Variants in CIT observed in about 807,000 individuals in gnomAD.
CIT encodes the protein citron rho-interacting serine/threonine kinase.
In CIT, 79 loss-of-function variants were observed where a neutral mutation model predicts 272.7. The observed-to-expected ratio is 0.29, with a 90% CI of 0.24 to 0.35. CIT has a LOEUF of 0.35. Ranked by LOEUF, CIT falls within the 10% of genes least tolerant of loss-of-function variation. CIT has a pLI of 1.00. For synonymous variants in CIT, 948 were observed against 995.6 expected, an observed-to-expected ratio of 0.95 and a Z score of 0.90; for missense variants, 1,909 against 2,618.3, an observed-to-expected ratio of 0.73 and a Z score of 5.91.
chr12:119,730,847 GC>G (rs1321770957), intron 26 of CIT, among the ~76,000 whole-genome samples: 2 of 152,236 alleles, frequency 1.3e-5, no homozygotes, highest in Non-Finnish European at 2.9e-5. Context: ...AACAAAACAG[GC>G]CAGGCACGGT....
intron 3 of CIT, among the ~76,000 whole-genome samples, chr12:119,859,459 C>G (rs554242763): frequency 4.9e-4 from 75 of 152,288 alleles, no homozygotes; most frequent in Middle Eastern, 6.8e-3. Flanking sequence ...ATACCACAGT[C>G]AGTGAGTGGC....
chr12:119,779,183 G>A (rs804713), intron 13 of CIT, among the ~76,000 whole-genome samples: 119 of 152,096 alleles, frequency 7.8e-4, no homozygotes, highest in Middle Eastern at 3.4e-3. Flanking sequence ...TTACACCACT[G>A]CCCTCCAGCC....
At position 119,784,452 on chromosome 12, in the gene CIT, G is replaced by A. The variant is rs12307389; in HGVS notation, c.1402-401C>T. The A allele has an allele frequency of 1.1e-3, 1,295 of 1,202,778 alleles. 15 individuals carry two copies. The African/African-American group carries it at 0.017, about 16-fold the overall frequency. The allele number at this position is 1,202,778 out of a possible 1,614,324, so 74.5% of individuals were successfully genotyped here. ...AGAGGACAAATCCAGGACAGGGCAA[G>A]GAGATATTTATTCGTCTGCACTCTT... On this transcript the variant is annotated intron_variant, in intron 11 of 47. Transcript: ENST00000392521. This position sits in a 1 kb window ranked among gnomAD's most constrained non-coding sequence, Gnocchi z 4.7.
chr12:119,736,678 T>C (rs1359616386), intron 24 of CIT, among the ~76,000 whole-genome samples: 1 of 152,248 alleles, frequency 6.6e-6, no homozygotes, highest in African/African-American at 2.4e-5. Flanking sequence ...GGAAAATCTG[T>C]ACGTTTGCCA....
At chr12:119,803,057 A>G in intron 10 of CIT, 149 bp downstream of exon 10, 2 of 562,354 alleles carry the variant, frequency 3.6e-6, no homozygotes, top group Non-Finnish European at 6.0e-6. Flanking sequence ...CAAAGCCCTA[A>G]CAGGTAGACT....
intron 9 of CIT, among the ~76,000 whole-genome samples, chr12:119,817,049 A>C (rs1967251164): frequency 6.6e-6 from 1 of 152,154 alleles, no homozygotes; most frequent in Admixed American, 6.6e-5. Flanking sequence ...GAGTCTTCTC[A>C]ACTCATCTTG....
intron 25 of CIT, 126 bp from the exon 26 acceptor site, chr12:119,734,483 T>C (rs1958646471): frequency 9.7e-7 from 1 of 1,030,252 alleles, no homozygotes; most frequent in Non-Finnish European, 1.4e-6. Flanking sequence ...GTTTGTCTTT[T>C]GCTTCTGCAG....
chr12:119,829,482 G>C (rs141968680), intron 7 of CIT, among the ~76,000 whole-genome samples: 49 of 152,298 alleles, frequency 3.2e-4, no homozygotes, highest in Admixed American at 4.6e-4. Context: ...TGCAGAAGCA[G>C]GGGGAAAAGG....
At chr12:119,699,129 G>A (rs1032394491) in intron 44 of CIT, among the ~76,000 whole-genome samples, 5 of 151,796 alleles carry the variant, frequency 3.3e-5, no homozygotes, top group Non-Finnish European at 2.9e-5. Context: ...GGTGACAGGC[G>A]CCTGTAATCC....
intron 19 of CIT, among the ~76,000 whole-genome samples, chr12:119,766,826 G>A (rs1330104296): frequency 2.0e-5 from 3 of 148,462 alleles, no homozygotes; most frequent in Admixed American, 1.3e-4. Flanking sequence ...ATGACAATGA[G>A]TTTAAAAAAT....
intron 2 of CIT, among the ~76,000 whole-genome samples, chr12:119,870,599 G>T (rs1245214983): frequency 2.0e-5 from 3 of 149,046 alleles, no homozygotes; most frequent in African/African-American, 7.4e-5. Flanking sequence ...TCCACTTTTG[G>T]GAAGCCAGCC....
intron 46 of CIT, among the ~76,000 whole-genome samples, chr12:119,695,539 T>C (rs1956179941): frequency 6.6e-6 from 1 of 152,170 alleles, no homozygotes; most frequent in Non-Finnish European, 1.5e-5. Flanking sequence ...TTCAAGCCTA[T>C]AAACCTAGCA....
chr12:119,854,965 A>T (rs1200879078), intron 4 of CIT, among the ~76,000 whole-genome samples: 1 of 151,996 alleles, frequency 6.6e-6, no homozygotes, highest in African/African-American at 2.4e-5. Flanking sequence ...TAAATAAATA[A>T]ATAATAAAGT....
rs1346454372 is a variant in CIT, at chr12:119,720,644, G to C, written c.3733-59C>G. 2.4e-6 allele frequency: 3 copies of C among 1,270,200 alleles called. No homozygotes were observed. In the East Asian group the frequency reaches 7.1e-5, roughly 30 times the overall value. 78.7% of individuals were successfully genotyped at this position (1,270,200 alleles called of 1,614,324 possible). On this transcript the variant is annotated intron_variant, in intron 29 of 47. Transcript: ENST00000392521. ...CAGACAGAAGTATACTTTTAAAGTT[G>C]GTACTTTAAGAAACTAAAAAGTGAA...
intron 5 of CIT, among the ~76,000 whole-genome samples, chr12:119,843,247 T>C (rs1969532159): frequency 6.6e-6 from 1 of 152,090 alleles, no homozygotes; most frequent in African/African-American, 2.4e-5. Context: ...GCCTGGTAAG[T>C]CACGTGGAAG....
Position 119,690,950 on chromosome 12 carries a change from G to A in CIT, c.5883-496C>T, listed in dbSNP as rs1955908639. Among the ~76,000 whole-genome samples the A allele has an allele frequency of 6.6e-6, 1 of 152,200 alleles. No homozygotes were observed. Among genetic ancestry groups the A allele is most frequent in the South Asian group, 2.1e-4 (1 of 4,832 alleles). ...GCACTTTGGGAGGCCGAGGCAGGTA[G>A]ATCACGAGGTCAGGAGATCGAGGCC... On this transcript the variant is annotated intron_variant, in intron 46 of 47. Coordinates refer to ENST00000392521, the MANE Select transcript of CIT (RefSeq NM_001206999.2). The surrounding 1 kb of genome is among the most constrained non-coding windows in gnomAD (Gnocchi z 6.0).
intron 4 of CIT, among the ~76,000 whole-genome samples, chr12:119,851,887 G>A (rs1970243785): frequency 6.6e-6 from 1 of 152,074 alleles, no homozygotes; most frequent in Non-Finnish European, 1.5e-5. Flanking sequence ...ACAAAAAGTA[G>A]CTGGGTGTGG....
rs1449579313 is a variant in CIT, at chr12:119,869,191, G to A, written c.107C>T (p.Pro36Leu). The change falls in exon 3 of 48, where the codon CCC becomes CTC. Residue 36 changes from proline (P) to leucine (L), a missense_variant. Physicochemically the swap from Pro to Leu is moderately conservative, Grantham distance 98. This residue lies in a region of CIT where 529 missense variants were observed against 549.6 expected (regional missense o/e 0.96). Coordinates refer to ENST00000392521, the MANE Select transcript of CIT (RefSeq NM_001206999.2). ...AGACATCTGCTGTTGAGTCATAAAG[G>A]GTGGTTTCCCCTAAAAACAGCAAAC... is the stretch of plus-strand genomic sequence containing the variant. ...RLNLFFQGKP[P>L]FMTQQQMSPL... 5.0e-6 allele frequency: 8 copies of A among 1,597,050 alleles called. 1 individual carries two copies. In the South Asian group the frequency reaches 9.1e-5, roughly 18 times the overall value.
In CIT at chr12:119,704,541, C is replaced by T. The variant is rs1408130303; in HGVS notation, c.5212-86G>A. 6.0e-5 allele frequency: 70 copies of T among 1,162,684 alleles called. 1 individual carries two copies. Among genetic ancestry groups the T allele is most frequent in the South Asian group, 4.8e-4 (37 of 77,504 alleles). 72.0% of individuals were successfully genotyped at this position (1,162,684 alleles called of 1,614,324 possible). A position where few individuals can be genotyped will look rare whatever the true frequency, so the allele number is the denominator to read the frequency against. On this transcript the variant is annotated intron_variant, in intron 40 of 47. Transcript: ENST00000392521. ...AACTAGGAAAAGCTCTCAGGCTCAG[C>T]GCCATTGATGATTCAGACCAGATCA... is the stretch of plus-strand genomic sequence containing the variant.
Sources: allele counts gnomAD v4.1 joint callset (sites outside exome capture counted in the v4.1 genomes callset), GRCh38; gene constraint gnomAD v4.1.1; regional missense constraint gnomAD v4.1.1; non-coding constraint Gnocchi (gnomAD v3.1); transcripts MANE v1.5; gene names NCBI Gene and HGNC (gene_info 2026-07-23, HGNC 2026-07-21).